The following IGF2R variants were observed in gnomAD, a reference collection of about 807,000 sequenced individuals.
The protein encoded by IGF2R is insulin like growth factor 2 receptor.
Under a neutral mutation model 270.6 loss-of-function variants are expected in IGF2R, and 91 were observed. That is an observed-to-expected ratio of 0.34 (90% CI 0.28 to 0.40). The LOEUF (loss-of-function observed/expected upper bound fraction) is 0.40, where lower values mean the gene tolerates loss of function less well. IGF2R is among the 10% of genes least tolerant of loss of function. IGF2R has a pLI of 1.00. For synonymous variants in IGF2R, 1,316 were observed against 1,258.9 expected, an observed-to-expected ratio of 1.05 and a Z score of -0.96; for missense variants, 2,805 against 3,188.3, an observed-to-expected ratio of 0.88 and a Z score of 2.90.
In IGF2R at chr6:160,106,417, G is replaced by A. The variant is rs1779623309; in HGVS notation, c.*1333G>A. 1 of 152,580 alleles carries A rather than the reference G, an allele frequency of 6.6e-6. No individual in the cohort carries two copies. 9.5% of individuals were successfully genotyped at this position (152,580 alleles called of 1,614,324 possible). A position where few individuals can be genotyped will look rare whatever the true frequency, so the allele number is the denominator to read the frequency against. On this transcript the variant is annotated 3_prime_UTR_variant, in exon 48 of 48. Coordinates refer to ENST00000356956, the MANE Select transcript of IGF2R (RefSeq NM_000876.4). ...ACCGCCCTGCAGCATCCCTCAGCCT[G>A]TACCGGTTTGGCTGGCTTGTTTGAT...
At chr6:160,095,399 G>A (rs1325902030) in intron 44 of IGF2R, 5 of 152,414 alleles carry the variant, frequency 3.3e-5, no homozygotes, top group Admixed American at 3.3e-4. Context: ...TTAGTGTTAT[G>A]GAAGTGCCTA....
Position 160,038,083 on chromosome 6 carries a change from T to C in IGF2R, c.1316-2477T>C, listed in dbSNP as rs76486026. On this transcript the variant is annotated intron_variant, in intron 10 of 47. Transcript: ENST00000356956. Reference sequence around the variant, plus strand: ...AGAAATGGGTGCTGCTGCCTCCTCCTTAGGCAGAGAGCTCCTTGGTTCCAT... The same window carrying C: ...AGAAATGGGTGCTGCTGCCTCCTCCCTAGGCAGAGAGCTCCTTGGTTCCAT... Among the ~76,000 whole-genome samples, 537 of 152,336 alleles carry C rather than the reference T, an allele frequency of 3.5e-3. 4 individuals are homozygous for C. The highest frequency in any genetic ancestry group is 0.012 in the African/African-American group (514 of 41,574).
At chr6:160,065,814 G>GTGTGTGTGTATATATATATATA in intron 29 of IGF2R, among the ~76,000 whole-genome samples, 184 of 78,194 alleles carry the variant, frequency 2.4e-3, no homozygotes, top group Non-Finnish European at 3.2e-3. Flanking sequence ...GTGTGTGTGT[G>GTGTGTGTGTATATATATATATA]TATATATATA....
intron 9 of IGF2R, among the ~76,000 whole-genome samples, chr6:160,033,849 G>A (rs1156976896): frequency 2.6e-5 from 4 of 152,150 alleles, no homozygotes; most frequent in Non-Finnish European, 5.9e-5. Context: ...CCCTTAACTT[G>A]GTAGTTGACC....
Position 160,105,657 on chromosome 6 carries a change from T to G in IGF2R, c.*573T>G, listed in dbSNP as rs1446973662. On this transcript the variant is annotated 3_prime_UTR_variant, in exon 48 of 48. Coordinates refer to ENST00000356956, the MANE Select transcript of IGF2R (RefSeq NM_000876.4). ...GTGTCCCCTGAGTTGGAGCTCATTC[T>G]GTCTCTTTTCTCTTTTGCTTTCTGT... 6.5e-6 allele frequency: 1 copy of G among 153,148 alleles called. No individual in the cohort carries two copies. Among genetic ancestry groups the G allele is most frequent in the Non-Finnish European group, 1.5e-5 (1 of 68,432 alleles). 9.5% of individuals were successfully genotyped at this position (153,148 alleles called of 1,614,324 possible). A position where few individuals can be genotyped will look rare whatever the true frequency, so the allele number is the denominator to read the frequency against.
intron 1 of IGF2R, among the ~76,000 whole-genome samples, chr6:159,977,916 G>A (rs920541993): frequency 6.6e-6 from 1 of 152,104 alleles, no homozygotes; most frequent in African/African-American, 2.4e-5. Flanking sequence ...CTAGGCGTGG[G>A]ATGCTAACCG....
At chr6:159,974,969 A>G (rs1342796720) in intron 1 of IGF2R, among the ~76,000 whole-genome samples, 1 of 152,136 alleles carries the variant, frequency 6.6e-6, no homozygotes, top group Non-Finnish European at 1.5e-5. Context: ...CTCTCATTCC[A>G]TGAACAGTCA....
intron 9 of IGF2R, 82 bp from the exon 10 acceptor site, chr6:160,034,337 C>T: frequency 5.8e-6 from 5 of 860,636 alleles, no homozygotes; most frequent in Non-Finnish European, 9.8e-6. Context: ...ACGCAAAAGG[C>T]TTAATGTAGA....
At chr6:159,974,286 A>T (rs932196214) in intron 1 of IGF2R, among the ~76,000 whole-genome samples, 2 of 152,176 alleles carry the variant, frequency 1.3e-5, no homozygotes, top group African/African-American at 4.8e-5. Flanking sequence ...ATCCTGGATG[A>T]TGTTCACCAT....
chr6:159,977,835 C>T (rs1783718382), intron 1 of IGF2R, among the ~76,000 whole-genome samples: 1 of 149,536 alleles, frequency 6.7e-6, no homozygotes, highest in South Asian at 2.1e-4. Context: ...GGATGCTAAC[C>T]GTGTTGTAGG....
rs755005034 is a variant in IGF2R at position 160,040,661 on chromosome 6, C to A, written c.1417C>A (p.Leu473Ile). 2 of 1,614,192 alleles carry A rather than the reference C, an allele frequency of 1.2e-6. No individual in the cohort carries two copies. The highest frequency in any genetic ancestry group is 3.3e-5 in the Admixed American group (2 of 60,030). Residue 473 changes from leucine (L) to isoleucine (I), a missense_variant, in exon 11 of 48, where the codon CTC becomes ATC. Leu to Ile is a conservative substitution (Grantham distance 5). Transcript: ENST00000356956. Reference sequence around the variant, plus strand: ...CGCCTGTGTTAAGGAGAAGGAAGACCTCCTCTGCGGTGCCACCGACGGGAA... The same window carrying A: ...CGCCTGTGTTAAGGAGAAGGAAGACATCCTCTGCGGTGCCACCGACGGGAA... The part of the protein sequence containing the change: ...EYACVKEKED[L>I]LCGATDGKKR...
At chr6:160,022,668 C>T (rs1277264357) in intron 4 of IGF2R, among the ~76,000 whole-genome samples, 4 of 152,168 alleles carry the variant, frequency 2.6e-5, no homozygotes, top group Non-Finnish European at 5.9e-5. Context: ...CCTCAAGGAG[C>T]CCCTATTATA....
At chr6:160,057,363 C>G (rs1028223089) in intron 20 of IGF2R, among the ~76,000 whole-genome samples, 1 of 152,214 alleles carries the variant, frequency 6.6e-6, no homozygotes, top group African/African-American at 2.4e-5. Flanking sequence ...TATGGTGGGA[C>G]CTGTTTGCCT....
chr6:160,039,794 C>A (rs938937604), intron 10 of IGF2R, among the ~76,000 whole-genome samples: 1 of 152,114 alleles, frequency 6.6e-6, no homozygotes, highest in African/African-American at 2.4e-5. Context: ...GTCAGCAAAG[C>A]CTCTGAATCT....
intron 17 of IGF2R, among the ~76,000 whole-genome samples, chr6:160,048,172 A>T (rs1251811906): frequency 6.6e-6 from 1 of 152,252 alleles, no homozygotes; most frequent in Non-Finnish European, 1.5e-5. Context: ...CACGGGGGAC[A>T]GTTAAGGTCC....
At chr6:160,036,387 TCCCCATGTGCCCAGC>T (rs1397223308) in intron 10 of IGF2R, among the ~76,000 whole-genome samples, 7 of 152,088 alleles carry the variant, frequency 4.6e-5, no homozygotes, top group African/African-American at 1.7e-4. Flanking sequence ...GCCTGTATCT[TCCCCATGTGCCCAGC>T]CCCTCTGATG....
chr6:160,048,068 G>C (rs1045644138), intron 17 of IGF2R, among the ~76,000 whole-genome samples, 161 bp downstream of exon 17: 5 of 152,332 alleles, frequency 3.3e-5, no homozygotes, highest in African/African-American at 9.6e-5. Context: ...TCTAATAACT[G>C]TCTGGTCGCC....
rs1777732767 is a variant in IGF2R at position 160,033,033 on chromosome 6, T to C, written c.1137T>C (p.Ala379=). 4 of 1,612,218 alleles carry C rather than the reference T, an allele frequency of 2.5e-6. No homozygotes were observed. The East Asian group carries it at 8.9e-5, about 36-fold the overall frequency. The change falls in exon 9 of 48, where the codon GCT becomes GCC. Residue 379 remains alanine, a synonymous_variant. Transcript: ENST00000356956. ...TEIQFCNKKQ[A]AVCQVKKSDT... is the part of the protein sequence containing the mutation. ...TACAGTTCTGTAATAAAAAACAAGC[T>C]GCAGTTTGCCAAGTGAAAAAGAGCG...
intron 41 of IGF2R, among the ~76,000 whole-genome samples, chr6:160,086,239 C>T (rs1260736141): frequency 1.3e-5 from 2 of 152,186 alleles, no homozygotes; most frequent in Admixed American, 6.5e-5. Context: ...CCTCGCCTGG[C>T]GGGAAGAGCT....
Sources: allele counts gnomAD v4.1 joint callset (sites outside exome capture counted in the v4.1 genomes callset), GRCh38; gene constraint gnomAD v4.1.1; transcripts MANE v1.5; gene names NCBI Gene and HGNC (gene_info 2026-07-23, HGNC 2026-07-21).